Variants in SLC45A2 observed in about 807,000 individuals in gnomAD.
SLC45A2 encodes the protein solute carrier family 45 member 2.
In SLC45A2, 36 loss-of-function variants were observed where a neutral mutation model predicts 45.5. The observed-to-expected ratio is 0.79, with a 90% CI of 0.61 to 1.04. The LOEUF (loss-of-function observed/expected upper bound fraction) is 1.04, where lower values mean the gene tolerates loss of function less well. SLC45A2 is among the 50% of genes least tolerant of loss of function. The probability of loss-of-function intolerance (pLI) is 0.00; values close to 1 mark genes in which losing one functional copy is unlikely to be tolerated. For synonymous variants in SLC45A2, 306 were observed against 269.3 expected (o/e 1.14, Z -1.33); for missense variants, 719 against 671.0 (o/e 1.07, Z -0.79).
Position 33,971,578 on chromosome 5 carries a change from A to G in SLC45A2, c.563-7562T>C, listed in dbSNP as rs150957706. On this transcript the variant is annotated intron_variant, in intron 2 of 6. Coordinates refer to ENST00000296589, the MANE Select transcript of SLC45A2 (RefSeq NM_016180.5). ...CTCAGCCTCCGGAGTGGCTCAGACC[A>G]CAGGTGTGCACCACCATGCCCAACT... is the stretch of plus-strand genomic sequence containing the variant. Among the ~76,000 whole-genome samples, 923 of 152,246 alleles carry G rather than the reference A, an allele frequency of 6.1e-3. 8 individuals carry two copies. The highest frequency in any genetic ancestry group is 0.021 in the African/African-American group (885 of 41,536).
At chr5:33,945,864 G>C in intron 6 of SLC45A2, 1 of 730,970 alleles carries the variant, frequency 1.4e-6, no homozygotes, top group Non-Finnish European at 1.7e-6. Context: ...TAAGAAAACA[G>C]ATTTACATTT....
intron 3 of SLC45A2, among the ~76,000 whole-genome samples, chr5:33,955,660 C>G (rs555055378): frequency 1.3e-5 from 2 of 150,588 alleles, no homozygotes; most frequent in Non-Finnish European, 3.0e-5. Flanking sequence ...CACACACAAA[C>G]ACACACACAC....
intron 2 of SLC45A2, among the ~76,000 whole-genome samples, chr5:33,966,721 A>T (rs1378100530): frequency 6.6e-6 from 1 of 152,246 alleles, no homozygotes; most frequent in Non-Finnish European, 1.5e-5. Flanking sequence ...GATGTCGATT[A>T]TTAGTAAATC....
At chr5:33,951,527 A>G (rs774863707) in intron 5 of SLC45A2, 27 bp downstream of exon 5, 1 of 1,613,978 alleles carries the variant, frequency 6.2e-7, no homozygotes, top group South Asian at 1.1e-5. Context: ...CTTTTAGAAG[A>G]CATCCTTAGG....
chr5:33,951,282 T>C, intron 5 of SLC45A2: 7 of 831,586 alleles, frequency 8.4e-6, no homozygotes, highest in Non-Finnish European at 1.2e-5. Context: ...CTTCATCTTG[T>C]AAAGATTCCC....
At chr5:33,978,779 A>T (rs1325036098) in intron 2 of SLC45A2, among the ~76,000 whole-genome samples, 2 of 152,186 alleles carry the variant, frequency 1.3e-5, no homozygotes, top group Non-Finnish European at 2.9e-5. Flanking sequence ...TAACTCAAAC[A>T]ACTTGGGCAA....
intron 2 of SLC45A2, among the ~76,000 whole-genome samples, chr5:33,976,639 T>A (rs1372842873): frequency 6.6e-6 from 1 of 151,100 alleles, no homozygotes; most frequent in African/African-American, 2.4e-5. Context: ...AGGACAGGGG[T>A]GGAGGGATTT....
rs3776547 is a variant in SLC45A2 at position 33,975,922 on chromosome 5, T to C, written c.562+6314A>G. 6.3e-3 allele frequency among the ~76,000 whole-genome samples: 953 copies of C among 152,230 alleles called. 57 individuals carry two copies. In the East Asian group the frequency reaches 0.13, roughly 21 times the overall value. On this transcript the variant is annotated intron_variant, in intron 2 of 6. Transcript: ENST00000296589. ...TCCCTGACCCTCCTCTCCCCTCCTCTTGTCTTGAAACAAACAAGAGCTATG... is the reference window on the plus strand; with the variant it reads ...TCCCTGACCCTCCTCTCCCCTCCTCCTGTCTTGAAACAAACAAGAGCTATG...
In SLC45A2 at chr5:33,944,671, G is replaced by C. The variant is rs565278457; in HGVS notation, c.1570C>G (p.Leu524Val). ...ACCTAATCCACATATCTAACAAAGAGAGCGACAAAGCAACAGCCTATCAGT... is the reference window on the plus strand; with the variant it reads ...ACCTAATCCACATATCTAACAAAGACAGCGACAAAGCAACAGCCTATCAGT... ...VALIGCCFVA[L>V]FVRYVD Residue 524 changes from leucine (L) to valine (V), a missense_variant, in exon 7 of 7, where the codon CTC becomes GTC. Coordinates refer to ENST00000296589, the MANE Select transcript of SLC45A2 (RefSeq NM_016180.5). 3 of 1,614,178 alleles carry C rather than the reference G, an allele frequency of 1.9e-6. No individual in the cohort carries two copies. Among genetic ancestry groups the C allele is most frequent in the East Asian group, 2.2e-5 (1 of 44,884 alleles).
intron 2 of SLC45A2, among the ~76,000 whole-genome samples, chr5:33,976,889 C>G (rs906454711): frequency 1.3e-5 from 2 of 152,192 alleles, no homozygotes; most frequent in African/African-American, 4.8e-5. Context: ...GCTTCAGGAG[C>G]TGGACTCAGC....
In SLC45A2 at chr5:33,984,215, C is replaced by T. The variant is rs1753167865; in HGVS notation, c.369G>A (p.Gly123=). The T allele has an allele frequency of 1.2e-6, 2 of 1,613,932 alleles. No homozygotes were observed. Among genetic ancestry groups the T allele is most frequent in the African/African-American group, 1.3e-5 (1 of 74,914 alleles). ...CCCACTTACCTGCTACAACAGTAGCCCCATTGAGGTACAGAGCCATGCCCA... is the reference window on the plus strand; with the variant it reads ...CCCACTTACCTGCTACAACAGTAGCTCCATTGAGGTACAGAGCCATGCCCA... ...MLVGMALYLN[G]ATVVAALIAN... The change falls in exon 1 of 7, where the codon GGG becomes GGA. Residue 123 remains glycine (G), a synonymous_variant. Transcript: ENST00000296589.
At chr5:33,952,179 T>C (rs1752125427) in intron 4 of SLC45A2, among the ~76,000 whole-genome samples, 1 of 152,046 alleles carries the variant, frequency 6.6e-6, no homozygotes, top group Non-Finnish European at 1.5e-5. Flanking sequence ...CAGAATGGAG[T>C]ACAGCGGCAC....
At chr5:33,955,353 T>C (rs1043833764) in intron 3 of SLC45A2, among the ~76,000 whole-genome samples, 8 of 152,222 alleles carry the variant, frequency 5.3e-5, no homozygotes, top group Admixed American at 2.0e-4. Context: ...CTGCTAACAC[T>C]TTGACTTCAA....
chr5:33,963,983 G>C lies in SLC45A2; in HGVS notation c.596C>G (p.Ala199Gly). ...FGGALGYLLGAIDWAHLELGR... is the reference protein window; with the variant it reads ...FGGALGYLLGGIDWAHLELGR... The stretch of plus-strand genomic sequence containing the variant: ...CAGCTCCAGATGGGCCCAGTCTATA[G>C]CACCCAAAAGGTAACCCAGGGCACC... The change falls in exon 3 of 7, where the codon GCT (alanine) becomes GGT (glycine). Residue 199 changes from alanine (A) to glycine (G), a missense_variant. Physicochemically the swap from Ala to Gly is moderately conservative, Grantham distance 60. Transcript: ENST00000296589. 1 of 1,614,010 alleles carries C rather than the reference G, an allele frequency of 6.2e-7. No homozygotes were observed. The highest frequency in any genetic ancestry group is 8.5e-7 in the Non-Finnish European group (1 of 1,179,910).
intron 3 of SLC45A2, 23 bp from the exon 4 acceptor site, chr5:33,954,527 G>C: frequency 6.2e-7 from 1 of 1,612,836 alleles, no homozygotes; most frequent in Non-Finnish European, 8.5e-7. Flanking sequence ...ATGAAACAGA[G>C]GTGTGATCTT....
intron 2 of SLC45A2, among the ~76,000 whole-genome samples, chr5:33,966,526 C>T (rs1021758817): frequency 2.0e-5 from 3 of 150,844 alleles, no homozygotes; most frequent in South Asian, 4.2e-4. Context: ...CTGCAAGCTC[C>T]GCTTCCCGGG....
intron 5 of SLC45A2, chr5:33,951,320 G>A (rs1418383289): frequency 1.7e-6 from 2 of 1,156,290 alleles, no homozygotes; most frequent in Non-Finnish European, 2.3e-6. Context: ...ACTTGATCAG[G>A]AACCCACTGA....
At chr5:33,946,100 G>A in intron 6 of SLC45A2, 1 of 985,264 alleles carries the variant, frequency 1.0e-6, no homozygotes, top group Non-Finnish European at 1.2e-6. Flanking sequence ...AAGTGAGAGA[G>A]GCAGGATTTG....
intron 4 of SLC45A2, among the ~76,000 whole-genome samples, chr5:33,952,299 A>G (rs954568700): frequency 6.8e-6 from 1 of 146,690 alleles, no homozygotes; most frequent in South Asian, 2.2e-4. Flanking sequence ...CCTGAACCCC[A>G]CCCCTCCTTT....
Sources: gnomAD v4.1 joint callset for allele counts (sites outside exome capture counted in the v4.1 genomes callset) on GRCh38, gnomAD v4.1.1 for gene constraint, MANE v1.5 for transcripts, NCBI Gene and HGNC (gene_info 2026-07-23, HGNC 2026-07-21) for gene names.